The following DNAH12 variants were observed in gnomAD, a reference collection of about 807,000 sequenced individuals.
DNAH12 encodes axonemal beta dynein heavy chain 12.
DNAH12 carries 285 observed loss-of-function variants against 371.5 expected under a neutral mutation model. The observed-to-expected ratio is 0.77, with a 90% CI of 0.70 to 0.85. The LOEUF (loss-of-function observed/expected upper bound fraction) is 0.85, where lower values mean the gene tolerates loss of function less well. DNAH12 is among the 40% of genes least tolerant of loss of function. The probability of loss-of-function intolerance (pLI) is 0.00; values close to 1 mark genes in which losing one functional copy is unlikely to be tolerated. For synonymous variants in DNAH12, 1,200 were observed against 1,213.0 expected (o/e 0.99, Z 0.22); for missense variants, 3,611 against 3,689.4 (o/e 0.98, Z 0.55).
At chr3:57,298,495 T>C (rs2107646188) in intron 70 of DNAH12, among the ~76,000 whole-genome samples, 1 of 152,358 alleles carries the variant, frequency 6.6e-6, no homozygotes, top group Non-Finnish European at 1.5e-5. Context: ...GGTCAAATGT[T>C]ACCTGAAGCC....
chr3:57,461,704 T>C lies in DNAH12; in HGVS notation c.2536-15A>G, dbSNP rs1007412548. ...AATGAAAATTCCTAAAACGGAGGAA[T>C]GAAGAAAGAACGGGATGGTGAAGAA... On this transcript the variant is annotated splice_polypyrimidine_tract_variant and intron_variant, in intron 18 of 73. Coordinates refer to ENST00000495027, the MANE Select transcript of DNAH12 (RefSeq NM_001366028.2). 2 of 1,544,890 alleles carry C rather than the reference T, an allele frequency of 1.3e-6. No homozygotes were observed. The highest frequency in any genetic ancestry group is 2.7e-5 in the African/African-American group (2 of 72,986).
chr3:57,444,321 T>C (rs2065405440), intron 29 of DNAH12, among the ~76,000 whole-genome samples: 1 of 152,066 alleles, frequency 6.6e-6, no homozygotes, highest in Non-Finnish European at 1.5e-5. Flanking sequence ...TGGACCAGGC[T>C]GGAGTGCAGT....
intron 59 of DNAH12, among the ~76,000 whole-genome samples, chr3:57,356,531 A>T (rs1426120585): frequency 6.6e-6 from 1 of 151,696 alleles, no homozygotes; most frequent in Non-Finnish European, 1.5e-5. Flanking sequence ...CCTTTTAGAG[A>T]CCTCAGTCTT....
intron 7 of DNAH12, 127 bp downstream of exon 7, chr3:57,508,255 A>AG: frequency 9.0e-6 from 9 of 1,001,278 alleles, no homozygotes; most frequent in Non-Finnish European, 1.2e-5. Context: ...AACAAGATAC[A>AG]TTTTTTTAAA....
chr3:57,317,774 T>G (rs2061718238), intron 65 of DNAH12, among the ~76,000 whole-genome samples: 1 of 152,204 alleles, frequency 6.6e-6, no homozygotes, highest in Non-Finnish European at 1.5e-5. Flanking sequence ...TGCACCACTT[T>G]GCATTACCAC....
At chr3:57,321,262 A>C (rs1350259164) in intron 65 of DNAH12, among the ~76,000 whole-genome samples, 1 of 152,196 alleles carries the variant, frequency 6.6e-6, no homozygotes, top group Admixed American at 6.5e-5. Context: ...TCTTGTTCTA[A>C]GATTTGCAAA....
intron 60 of DNAH12, among the ~76,000 whole-genome samples, chr3:57,335,318 A>T (rs1291674025): frequency 6.6e-6 from 1 of 152,184 alleles, no homozygotes; most frequent in East Asian, 1.9e-4. Context: ...GCATTAGGGA[A>T]AGCTTAGGTG....
At chr3:57,473,810 T>G (rs930635421) in intron 13 of DNAH12, among the ~76,000 whole-genome samples, 2 of 151,772 alleles carry the variant, frequency 1.3e-5, no homozygotes, top group African/African-American at 4.8e-5. Context: ...GAAATAAAAC[T>G]TTAAAATAAA....
At chr3:57,492,913 G>A (rs2067180091) in intron 11 of DNAH12, among the ~76,000 whole-genome samples, 1 of 152,160 alleles carries the variant, frequency 6.6e-6, no homozygotes, top group Admixed American at 6.6e-5. Context: ...GCTGAGGCAG[G>A]AGAATTGCTT....
At chr3:57,314,149 G>A (rs1030407694) in intron 66 of DNAH12, among the ~76,000 whole-genome samples, 1 of 152,306 alleles carries the variant, frequency 6.6e-6, no homozygotes, top group East Asian at 1.9e-4. Context: ...GGGGACATAT[G>A]TTAAGCCAAC....
chr3:57,493,816 A>T (rs1244819305), intron 11 of DNAH12: 1 of 151,832 alleles, frequency 6.6e-6, no homozygotes, highest in Non-Finnish European at 1.5e-5. Flanking sequence ...GAAACCCAAC[A>T]CTCTTTCATG....
intron 25 of DNAH12, among the ~76,000 whole-genome samples, chr3:57,450,838 C>A (rs115994397): frequency 0.026 from 3,917 of 152,284 alleles, 67 homozygotes; most frequent in Non-Finnish European, 0.034. Context: ...TTTACCCAGC[C>A]ATTGCATTCA....
chr3:57,528,973 T>G (rs1475890833), intron 2 of DNAH12, among the ~76,000 whole-genome samples: 1 of 151,756 alleles, frequency 6.6e-6, no homozygotes, highest in East Asian at 2.0e-4. Context: ...CTAATTTTTG[T>G]ATTTTTAGTA....
chr3:57,520,070 CT>C lies in DNAH12; in HGVS notation c.279+3512del. On this transcript the variant is annotated intron_variant, in intron 4 of 73. Transcript: ENST00000495027. ...TGGGGAAAGCCGGAGGCTGTGGCGG[CT>C]CTGTGGCTACAGCGTTACCTTATCT... The C allele has an allele frequency of 1.4e-5, 7 of 496,704 alleles. 1 individual carries two copies. Among genetic ancestry groups the C allele is most frequent in the South Asian group, 1.1e-4 (5 of 46,936 alleles). 30.8% of individuals were successfully genotyped at this position (496,704 alleles called of 1,614,324 possible).
chr3:57,303,847 C>A (rs986956116), intron 69 of DNAH12, among the ~76,000 whole-genome samples: 9 of 152,172 alleles, frequency 5.9e-5, no homozygotes, highest in African/African-American at 2.2e-4. Flanking sequence ...CCCCTGTGAC[C>A]TGCACGTATA....
intron 12 of DNAH12, among the ~76,000 whole-genome samples, chr3:57,486,537 TG>T (rs1468556509): frequency 2.6e-5 from 4 of 152,124 alleles, no homozygotes; most frequent in Non-Finnish European, 5.9e-5. Context: ...TGCAGGAATT[TG>T]GAGAAATATG....
rs571352952 is a variant in DNAH12 at position 57,433,842 on chromosome 3, G to T, written c.4656-14C>A. The stretch of plus-strand genomic sequence containing the variant: ...ACTAACATAAAACTATGAAGGAAAA[G>T]AAATAATTATACAATAAGAGTCTTT... On this transcript the variant is annotated splice_polypyrimidine_tract_variant and intron_variant, in intron 30 of 73. Transcript: ENST00000495027. 682 of 1,507,596 alleles carry T rather than the reference G, an allele frequency of 4.5e-4. 1 individual carries two copies. The highest frequency in any genetic ancestry group is 4.5e-4 in the Non-Finnish European group (510 of 1,132,234). The allele number at this position is 1,507,596 out of a possible 1,614,324, so 93.4% of individuals were successfully genotyped here. A position where few individuals can be genotyped will look rare whatever the true frequency, so the allele number is the denominator to read the frequency against.
intron 69 of DNAH12, among the ~76,000 whole-genome samples, chr3:57,307,789 C>T (rs900211989): frequency 1.3e-5 from 2 of 152,100 alleles, no homozygotes; most frequent in Admixed American, 1.3e-4. Flanking sequence ...CTCTCTGATC[C>T]ACCTGACATT....
chr3:57,544,890 T>C (rs955910275), upstream of DNAH12, among the ~76,000 whole-genome samples: 6 of 152,162 alleles, frequency 3.9e-5, no homozygotes, highest in Admixed American at 3.9e-4. Context: ...GAGAATACTA[T>C]GTGCCAAAAT....
Sources: allele counts gnomAD v4.1 joint callset (sites outside exome capture counted in the v4.1 genomes callset), GRCh38; gene constraint gnomAD v4.1.1; transcripts MANE v1.5; gene names NCBI Gene and HGNC (gene_info 2026-07-23, HGNC 2026-07-21).